The following SRP54 variants were observed in gnomAD, a reference collection of about 807,000 sequenced individuals.
The protein encoded by SRP54 is signal recognition particle subunit SRP54.
Under a neutral mutation model 64.8 loss-of-function variants are expected in SRP54, and 10 were observed. The observed-to-expected ratio is 0.15, with a 90% CI of 0.10 to 0.26. SRP54 has a LOEUF of 0.26. Ranked by LOEUF, SRP54 falls within the 10% of genes least tolerant of loss-of-function variation. SRP54 has a pLI of 1.00. For missense variants in SRP54, 325 were observed against 613.7 expected, an observed-to-expected ratio of 0.53 and a Z score of 4.97; for synonymous variants, 193 against 185.6, an observed-to-expected ratio of 1.04 and a Z score of -0.32.
At chr14:35,023,438 T>A (rs189287151) in intron 14 of SRP54, among the ~76,000 whole-genome samples, 1 of 152,096 alleles carries the variant, frequency 6.6e-6, no homozygotes, top group African/African-American at 2.4e-5. Flanking sequence ...TATAACTAAG[T>A]TTTCTTCTGA....
At chr14:35,024,186 G>A (rs565602986) in intron 14 of SRP54, among the ~76,000 whole-genome samples, 267 of 151,850 alleles carry the variant, frequency 1.8e-3, no homozygotes, top group African/African-American at 6.1e-3. Context: ...CACCACTACC[G>A]CCTGGCTAAT....
At chr14:35,020,208 A>G (rs1414689479) in intron 13 of SRP54, among the ~76,000 whole-genome samples, 4 of 152,062 alleles carry the variant, frequency 2.6e-5, no homozygotes, top group Non-Finnish European at 5.9e-5. Flanking sequence ...AAAAAAATAT[A>G]GTTTATTGCT....
intron 4 of SRP54, 50 bp from the exon 5 acceptor site, chr14:35,007,233 T>A: frequency 7.6e-7 from 1 of 1,307,420 alleles, no homozygotes. Context: ...GGTTTTGAAT[T>A]TATATGTATG....
intron 4 of SRP54, among the ~76,000 whole-genome samples, chr14:35,005,159 C>T (rs555563188): frequency 1.3e-5 from 2 of 152,276 alleles, no homozygotes; most frequent in South Asian, 4.1e-4. Flanking sequence ...TAGCAATACT[C>T]CATCTCTACA....
At chr14:35,009,168 A>G (rs950154087) in intron 7 of SRP54, among the ~76,000 whole-genome samples, 1 of 151,726 alleles carries the variant, frequency 6.6e-6, no homozygotes, top group African/African-American at 2.4e-5. Context: ...AATTACAGGC[A>G]TGAGCCACCA....
chr14:34,989,872 C>T (rs1350544944), intron 1 of SRP54, among the ~76,000 whole-genome samples: 1 of 152,014 alleles, frequency 6.6e-6, no homozygotes, highest in Admixed American at 6.6e-5. Context: ...TCACAACAGC[C>T]CTTCAGGGTA....
intron 9 of SRP54, 112 bp downstream of exon 9, chr14:35,013,606 T>C (rs1421705595): frequency 1.5e-5 from 19 of 1,299,482 alleles, no homozygotes; most frequent in Admixed American, 7.0e-5. Flanking sequence ...GAGCCTAATA[T>C]GGTTTATAAA....
At chr14:35,011,291 T>G (rs1405796545) in intron 7 of SRP54, among the ~76,000 whole-genome samples, 1 of 152,190 alleles carries the variant, frequency 6.6e-6, no homozygotes, top group Non-Finnish European at 1.5e-5. Context: ...AGACATGCAG[T>G]AGAATCATAC....
At chr14:34,989,758 A>G (rs1473634405) in intron 1 of SRP54, among the ~76,000 whole-genome samples, 1 of 152,164 alleles carries the variant, frequency 6.6e-6, no homozygotes, top group African/African-American at 2.4e-5. Context: ...CACTCCATAT[A>G]ATACAGAGAG....
intron 7 of SRP54, among the ~76,000 whole-genome samples, chr14:35,009,876 T>C (rs912231511): frequency 6.6e-6 from 1 of 151,594 alleles, no homozygotes; most frequent in East Asian, 1.9e-4. Flanking sequence ...AAAAATAAAT[T>C]TAAAAAATTT....
At chr14:35,029,018 A>G (rs1263186450) in intron 15 of SRP54, 43 bp from the exon 16 acceptor site, 1 of 1,485,972 alleles carries the variant, frequency 6.7e-7, no homozygotes, top group Non-Finnish European at 9.3e-7. Context: ...GTTCTGCTTA[A>G]TAATTCTCTG....
intron 2 of SRP54, 177 bp downstream of exon 2, chr14:34,996,964 C>G (rs1246198894): frequency 2.4e-6 from 1 of 408,436 alleles, no homozygotes; most frequent in Non-Finnish European, 4.3e-6. Context: ...ACTACAACTT[C>G]AAATTTACTT....
At chr14:35,017,828 A>C (rs1249886637) in intron 11 of SRP54, among the ~76,000 whole-genome samples, 1 of 152,210 alleles carries the variant, frequency 6.6e-6, no homozygotes, top group Non-Finnish European at 1.5e-5. Flanking sequence ...ACTTCATATT[A>C]TAGAAGTCCT....
chr14:35,029,265 C>A lies in SRP54; in HGVS notation c.*113C>A. On this transcript the variant is annotated 3_prime_UTR_variant, in exon 16 of 16. Transcript: ENST00000216774. ...AAGTGTATTTTTCTTGCTTATCATG[C>A]ACTCTTTCCTTTTCTTCTCGCCCGC... The A allele has an allele frequency of 1.5e-6, 1 of 682,338 alleles. No individual in the cohort carries two copies. Among genetic ancestry groups the A allele is most frequent in the Non-Finnish European group, 2.4e-6 (1 of 421,852 alleles). The allele number at this position is 682,338 out of a possible 1,614,324, so 42.3% of individuals were successfully genotyped here. A position where few individuals can be genotyped will look rare whatever the true frequency, so the allele number is the denominator to read the frequency against.
At chr14:35,014,702 G>A in intron 10 of SRP54, 42 bp from the exon 11 acceptor site, 1 of 1,417,244 alleles carries the variant, frequency 7.1e-7, no homozygotes, top group South Asian at 1.2e-5. Context: ...GTGAAGCAGG[G>A]TATAGTATTA....
In SRP54 at chr14:35,029,236, G is replaced by T; in HGVS notation, c.*84G>T. On this transcript the variant is annotated 3_prime_UTR_variant, in exon 16 of 16. Coordinates refer to ENST00000216774, the MANE Select transcript of SRP54 (RefSeq NM_003136.4). ...GTTTCCCTTCTTTTTGCGAATTGGG[G>T]GGAAAGTGTATTTTTCTTGCTTATC... The T allele has an allele frequency of 9.7e-7, 1 of 1,034,770 alleles. No homozygotes were observed. 64.1% of individuals were successfully genotyped at this position (1,034,770 alleles called of 1,614,324 possible).
chr14:34,986,955 G>A (rs117655956), intron 1 of SRP54, among the ~76,000 whole-genome samples: 11,717 of 151,844 alleles, frequency 0.077, 601 homozygotes, highest in Non-Finnish European at 0.12. Context: ...ATAATTCTTG[G>A]CTGGGTGCGG....
chr14:35,026,741 G>A (rs143598272), intron 14 of SRP54, among the ~76,000 whole-genome samples: 7,933 of 152,174 alleles, frequency 0.052, 268 homozygotes, highest in Non-Finnish European at 0.082. Context: ...TCAAGAGATC[G>A]AAACCATCCT....
intron 4 of SRP54, among the ~76,000 whole-genome samples, chr14:35,006,198 C>G (rs2044254982): frequency 6.6e-6 from 1 of 152,182 alleles, no homozygotes; most frequent in Admixed American, 6.5e-5. Flanking sequence ...CAGTTTTCCA[C>G]TGACTGATTT....
Sources: gnomAD v4.1 joint callset for allele counts (sites outside exome capture counted in the v4.1 genomes callset) on GRCh38, gnomAD v4.1.1 for gene constraint, MANE v1.5 for transcripts, NCBI Gene and HGNC (gene_info 2026-07-23, HGNC 2026-07-21) for gene names.